Variants in RAD51B observed in about 807,000 individuals in gnomAD.
RAD51B encodes the protein RAD51 paralog B.
A neutral mutation model predicts 42.2 loss-of-function variants in RAD51B; 38 were observed. The observed-to-expected ratio is 0.90, with a 90% confidence interval of 0.70 to 1.18. The LOEUF (loss-of-function observed/expected upper bound fraction) is 1.18. RAD51B is among the 50% of genes most tolerant of loss of function. The pLI is 0.00. For synonymous variants in RAD51B, 154 were observed against 145.2 expected, an observed-to-expected ratio of 1.06 and a Z score of -0.43; for missense variants, 373 against 400.7, an observed-to-expected ratio of 0.93 and a Z score of 0.59.
chr14:68,480,248 C>CT (rs918611129), downstream of RAD51B, among the ~76,000 whole-genome samples: 10 of 151,656 alleles, frequency 6.6e-5, no homozygotes, highest in Admixed American at 2.0e-4. Context: ...AACTTTTGTA[C>CT]TTTTTTTTAG....
intron 7 of RAD51B, among the ~76,000 whole-genome samples, chr14:67,987,832 G>A (rs2075220938): frequency 6.6e-6 from 1 of 152,210 alleles, no homozygotes; most frequent in Non-Finnish European, 1.5e-5. Flanking sequence ...GTATGTTCCT[G>A]TGGATAACTT....
intron 10 of RAD51B, chr14:68,563,964 C>G: frequency 7.4e-6 from 7 of 944,072 alleles, no homozygotes; most frequent in Non-Finnish European, 7.6e-6. Context: ...GGTGCTCCCC[C>G]ACACATACAC....
chr14:68,455,333 A>T (rs1285602679), intron 9 of RAD51B, among the ~76,000 whole-genome samples: 2 of 152,220 alleles, frequency 1.3e-5, no homozygotes, highest in African/African-American at 2.4e-5. Context: ...ACAAAATATA[A>T]GAGAAACACC....
intron 7 of RAD51B, among the ~76,000 whole-genome samples, chr14:68,047,210 A>T (rs1227388526): frequency 6.6e-6 from 1 of 152,172 alleles, no homozygotes; most frequent in Non-Finnish European, 1.5e-5. Context: ...TAGCAGGTGA[A>T]CAACTCTAAA....
At chr14:68,473,376 G>A (rs1882254033) in intron 10 of RAD51B, among the ~76,000 whole-genome samples, 1 of 152,162 alleles carries the variant, frequency 6.6e-6, no homozygotes, top group Non-Finnish European at 1.5e-5. Flanking sequence ...AGGCCAAGGC[G>A]CTCTCCTTTG....
chr14:67,827,409 C>A (rs1204948715), intron 3 of RAD51B, among the ~76,000 whole-genome samples: 2 of 152,178 alleles, frequency 1.3e-5, no homozygotes, highest in South Asian at 4.1e-4. Context: ...CTATGGTTTA[C>A]ATTCATTCTT....
intron 7 of RAD51B, among the ~76,000 whole-genome samples, chr14:68,011,540 T>A (rs2075683911): frequency 1.3e-5 from 2 of 152,116 alleles, no homozygotes; most frequent in South Asian, 2.1e-4. Flanking sequence ...TGAGTTTAGA[T>A]GATCACAGAA....
chr14:68,159,287 A>T (rs2078584905), intron 7 of RAD51B, among the ~76,000 whole-genome samples: 1 of 152,102 alleles, frequency 6.6e-6, no homozygotes, highest in Non-Finnish European at 1.5e-5. Flanking sequence ...TAAAAAATTG[A>T]TTAAAAAAAT....
At chr14:68,448,505 A>G (rs923041366) in intron 9 of RAD51B, among the ~76,000 whole-genome samples, 3 of 152,322 alleles carry the variant, frequency 2.0e-5, no homozygotes, top group Non-Finnish European at 4.4e-5. Context: ...TGCTTTCCCT[A>G]ATGTCTAAGC....
intron 11 of RAD51B, among the ~76,000 whole-genome samples, chr14:68,654,608 GTGGTT>G (rs1233651333): frequency 1.3e-5 from 2 of 152,184 alleles, no homozygotes. Flanking sequence ...GTTTCTGTGG[GTGGTT>G]TAGACCCCCG....
chr14:68,559,453 T>C (rs1889032469), intron 10 of RAD51B, among the ~76,000 whole-genome samples: 1 of 151,460 alleles, frequency 6.6e-6, no homozygotes, highest in African/African-American at 2.4e-5. Flanking sequence ...TGATCTTGGC[T>C]CACTGCAACC....
At chr14:68,195,847 G>C (rs1233027842) in intron 7 of RAD51B, among the ~76,000 whole-genome samples, 1 of 145,408 alleles carries the variant, frequency 6.9e-6, no homozygotes, top group Non-Finnish European at 1.5e-5. Context: ...GGCAGAGGTT[G>C]TGGTGAGCCG....
intron 10 of RAD51B, among the ~76,000 whole-genome samples, chr14:68,604,562 G>A (rs1891366277): frequency 6.6e-6 from 1 of 152,180 alleles, no homozygotes; most frequent in Non-Finnish European, 1.5e-5. Context: ...CCTCATGGGT[G>A]TGCAGCCCCT....
chr14:68,432,281 G>A (rs1463672693), intron 9 of RAD51B, among the ~76,000 whole-genome samples: 3 of 152,188 alleles, frequency 2.0e-5, no homozygotes, highest in Admixed American at 1.3e-4. Context: ...TTGGTGCAGA[G>A]CTGAGTTCAA....
chr14:68,285,466 G>A (rs916964310), intron 7 of RAD51B, among the ~76,000 whole-genome samples: 2 of 152,188 alleles, frequency 1.3e-5, no homozygotes, highest in Non-Finnish European at 2.9e-5. Context: ...GAAAGCATTG[G>A]ATTTAGTGCC....
intron 11 of RAD51B, among the ~76,000 whole-genome samples, chr14:68,680,387 A>G (rs577596535): frequency 6.6e-6 from 1 of 152,234 alleles, no homozygotes; most frequent in Non-Finnish European, 1.5e-5. Flanking sequence ...AAGCACATAG[A>G]TGATAGTAAA....
At chr14:68,268,411 T>C (rs1379031016) in intron 7 of RAD51B, among the ~76,000 whole-genome samples, 3 of 152,234 alleles carry the variant, frequency 2.0e-5, no homozygotes, top group African/African-American at 7.2e-5. Flanking sequence ...GAAGTGAAAC[T>C]GGTGGTGGGT....
At chr14:67,884,417 AT>A (rs1804078338) in intron 5 of RAD51B, among the ~76,000 whole-genome samples, 1 of 152,136 alleles carries the variant, frequency 6.6e-6, no homozygotes, top group Non-Finnish European at 1.5e-5. Flanking sequence ...ATTTTGAAAA[AT>A]TTCCATGTTT....
At chr14:68,087,650 A>G (rs1595377444) in intron 7 of RAD51B, among the ~76,000 whole-genome samples, 3 of 151,378 alleles carry the variant, frequency 2.0e-5, no homozygotes, top group East Asian at 3.9e-4. Flanking sequence ...TCCTGTGAGG[A>G]TGTTACAGAG....
Sources: allele counts gnomAD v4.1 joint callset (sites outside exome capture counted in the v4.1 genomes callset), GRCh38; gene constraint gnomAD v4.1.1; transcripts MANE v1.5; gene names NCBI Gene and HGNC (gene_info 2026-07-23, HGNC 2026-07-21).